LRRC24: variants seen among roughly 807,000 people sequenced by gnomAD.
LRRC24 encodes leucine-rich repeat-containing protein 24.
A neutral mutation model predicts 15.3 loss-of-function variants in LRRC24; 19 were observed. The observed-to-expected ratio is 1.25, with a 90% CI of 0.87 to 1.83. LRRC24 has a LOEUF of 1.83. LRRC24 is among the 40% of genes most tolerant of loss of function. The pLI is 0.00. For missense variants in LRRC24, 914 were observed against 723.9 expected, an observed-to-expected ratio of 1.26 and a Z score of -3.01; for synonymous variants, 469 against 359.6, an observed-to-expected ratio of 1.30 and a Z score of -3.44.
At position 144,524,435 on chromosome 8, in the gene LRRC24, G is replaced by A. The variant is rs200001412; in HGVS notation, c.438+6C>T. On this transcript the variant is annotated splice_donor_region_variant and intron_variant, in intron 3 of 4. Coordinates refer to ENST00000529415, the MANE Select transcript of LRRC24 (RefSeq NM_001024678.4). ...TATCCCGCCCCTTTAGACCCCAGGCGCTCACCGGCAGGTGCAAGAAGGTGA... is the reference window on the plus strand; with the variant it reads ...TATCCCGCCCCTTTAGACCCCAGGCACTCACCGGCAGGTGCAAGAAGGTGA... The A allele has an allele frequency of 4.4e-6, 7 of 1,597,508 alleles. No homozygotes were observed. The highest frequency in any genetic ancestry group is 2.2e-5 in the South Asian group (2 of 91,024).
intron 3 of LRRC24, 64 bp downstream of exon 3, chr8:144,524,377 T>A: frequency 6.3e-7 from 1 of 1,594,152 alleles, no homozygotes; most frequent in Non-Finnish European, 8.5e-7. Context: ...TTCTAACTAT[T>A]CCAGCCCTAC....
Position 144,522,931 on chromosome 8 carries a change from G to C in LRRC24, c.1086C>G (p.Val362=). 1.3e-6 allele frequency: 2 copies of C among 1,529,784 alleles called. No individual in the cohort carries two copies. Among genetic ancestry groups the C allele is most frequent in the Non-Finnish European group, 1.7e-6 (2 of 1,148,470 alleles). The allele number at this position is 1,529,784 out of a possible 1,614,324, so 94.8% of individuals were successfully genotyped here. A position where few individuals can be genotyped will look rare whatever the true frequency, so the allele number is the denominator to read the frequency against. ...GCTGCGGCTGCTGCCGGGACGCGTTGACCAGGAGCCGGAAGGGCACGCGGG... is the reference window on the plus strand; with the variant it reads ...GCTGCGGCTGCTGCCGGGACGCGTTCACCAGGAGCCGGAAGGGCACGCGGG... ...GAARVPFRLL[V]NASRQQPQQP... is the part of the protein sequence containing the mutation. Residue 362 remains valine, a synonymous_variant, in exon 5 of 5, where the codon GTC becomes GTG. Coordinates refer to ENST00000529415, the MANE Select transcript of LRRC24 (RefSeq NM_001024678.4).
At chr8:144,526,525 C>G (rs1019807418) in intron 1 of LRRC24, 1 of 152,424 alleles carries the variant, frequency 6.6e-6, no homozygotes, top group South Asian at 2.1e-4. Context: ...GGGCCCCAAG[C>G]TGGAAGCAGC....
Position 144,522,764 on chromosome 8 carries a change from G to C in LRRC24, c.1253C>G (p.Ala418Gly), listed in dbSNP as rs761335492. 1.3e-6 allele frequency: 2 copies of C among 1,574,356 alleles called. No homozygotes were observed. The highest frequency in any genetic ancestry group is 2.8e-5 in the African/African-American group (2 of 72,684). ...ACAGATCATGGCGACCAGGAGCAGCGCCGTGAGCGCCAGCAGCGCGATGGC... is the reference window on the plus strand; with the variant it reads ...ACAGATCATGGCGACCAGGAGCAGCCCCGTGAGCGCCAGCAGCGCGATGGC... ...AAAIALLALT[A>G]LLLVAMICRR... The change falls in exon 5 of 5, where the codon GCG (alanine) becomes GGG (glycine). Residue 418 changes from alanine to glycine, a missense_variant. Transcript: ENST00000529415.
intron 4 of LRRC24, chr8:144,523,843 C>T (rs1446725845): frequency 4.1e-6 from 2 of 487,214 alleles, no homozygotes; most frequent in South Asian, 3.4e-5. Context: ...ATTTTGTCTG[C>T]CTCCCCTCAG....
intron 3 of LRRC24, 37 bp from the exon 4 acceptor site, chr8:144,524,315 G>T: frequency 6.2e-7 from 1 of 1,604,666 alleles, no homozygotes; most frequent in South Asian, 1.1e-5. Context: ...GAAAAAGGGC[G>T]CCGAGGTTGG....
chr8:144,524,325 G>A (rs1407344457), intron 3 of LRRC24, 47 bp from the exon 4 acceptor site: 1 of 1,602,424 alleles, frequency 6.2e-7, no homozygotes, highest in African/African-American at 1.3e-5. Flanking sequence ...GCCGAGGTTG[G>A]GGGCATGTCT....
rs942047598 is a variant in LRRC24, at chr8:144,527,011, C to CCGAGCAGTCGCCGGGCT, written c.-128_-112dup. 6.5e-6 allele frequency: 1 copy of CCGAGCAGTCGCCGGGCT among 154,446 alleles called. No individual in the cohort carries two copies. 9.6% of individuals were successfully genotyped at this position (154,446 alleles called of 1,614,324 possible). On this transcript the variant is annotated 5_prime_UTR_variant, in exon 1 of 5. Transcript: ENST00000529415. ...CCCGCCGTGCAGGTGGCGGCCGGGC[C>CCGAGCAGTCGCCGGGCT]CGAGCAGTCGCCGGGCTGGGAGGGG...
At position 144,524,657 on chromosome 8, in the gene LRRC24, G is replaced by A. The variant is rs753094255; in HGVS notation, c.222C>T (p.Ala74=). Residue 74 remains alanine (A), a synonymous_variant, in exon 3 of 5, where the codon GCC becomes GCT. Coordinates refer to ENST00000529415, the MANE Select transcript of LRRC24 (RefSeq NM_001024678.4). ...RLEPGALAPL[A]ALRRLYLHNN... is the part of the protein sequence containing the mutation. ...TGTGCAGGTAGAGCCGGCGCAGAGC[G>A]GCGAGTGGCGCCAGGGCTCCCGGCT... 1.5e-5 allele frequency: 23 copies of A among 1,496,278 alleles called. No individual in the cohort carries two copies. Among genetic ancestry groups the A allele is most frequent in the Non-Finnish European group, 2.0e-5 (23 of 1,133,068 alleles). 92.7% of individuals were successfully genotyped at this position (1,496,278 alleles called of 1,614,324 possible).
rs1473087974 is a variant in LRRC24, at chr8:144,524,807, G to A, written c.159+9C>T. On this transcript the variant is annotated intron_variant, in intron 2 of 4. Coordinates refer to ENST00000529415, the MANE Select transcript of LRRC24 (RefSeq NM_001024678.4). The stretch of plus-strand genomic sequence containing the variant: ...ACCCCGTCCTCCCGCAGCTCCACAC[G>A]GTGCCCACCTGCGTCCCTGGCGGGA... The A allele has an allele frequency of 1.4e-6, 2 of 1,450,434 alleles. No individual in the cohort carries two copies. The highest frequency in any genetic ancestry group is 1.8e-6 in the Non-Finnish European group (2 of 1,104,212). The allele number at this position is 1,450,434 out of a possible 1,614,324, so 89.8% of individuals were successfully genotyped here.
At chr8:144,526,086 C>T (rs1816349051) in intron 1 of LRRC24, 1 of 152,232 alleles carries the variant, frequency 6.6e-6, no homozygotes, top group African/African-American at 2.4e-5. Context: ...GCCGGCCTCC[C>T]CAAACATTTG....
At chr8:144,526,436 G>C (rs534302558) in intron 1 of LRRC24, 3 of 152,344 alleles carry the variant, frequency 2.0e-5, no homozygotes, top group East Asian at 1.9e-4. Context: ...CTTGGCCTCA[G>C]AACTCACGGC....
chr8:144,524,766 T>G (rs1240749463), intron 2 of LRRC24, 47 bp from the exon 3 acceptor site: 3 of 1,433,230 alleles, frequency 2.1e-6, no homozygotes, highest in East Asian at 2.6e-5. Flanking sequence ...GCGGGGGTCT[T>G]CCTCTCCCTG....
chr8:144,524,299 C>T (rs374419891), intron 3 of LRRC24, 21 bp from the exon 4 acceptor site: 156 of 1,609,020 alleles, frequency 9.7e-5, no homozygotes, highest in Non-Finnish European at 1.2e-4. Flanking sequence ...GACAGCAGAT[C>T]GTGAGGAAAA....
chr8:144,523,496 C>T, intron 4 of LRRC24, 87 bp from the exon 5 acceptor site: 3 of 1,447,602 alleles, frequency 2.1e-6, no homozygotes, highest in South Asian at 1.5e-5. Flanking sequence ...AGGACAGAGG[C>T]CTCTTTCCCA....
At chr8:144,524,746 T>C in intron 2 of LRRC24, 27 bp from the exon 3 acceptor site, 1 of 1,440,212 alleles carries the variant, frequency 6.9e-7, no homozygotes, top group Non-Finnish European at 9.1e-7. Flanking sequence ...GAGGAGGCGC[T>C]TACCCCGTTG....
In LRRC24 at chr8:144,522,522, GC is replaced by G; in HGVS notation, c.1494del (p.Pro499ArgfsTer?). On this transcript the variant is annotated frameshift_variant, in exon 5 of 5. Coordinates refer to ENST00000529415, the MANE Select transcript of LRRC24 (RefSeq NM_001024678.4). LOFTEE classifies it high-confidence loss of function. ...ACCGGCGGGGGCACGCGGAGTCCCG[GC>G]CCCGCCCCCTGTTCCGGGCCGCAGT... ...PADCGPEQGA[G>X]PGLRVPPPVA... 1 of 1,513,666 alleles carries G rather than the reference GC, an allele frequency of 6.6e-7. No homozygotes were observed. The allele number at this position is 1,513,666 out of a possible 1,614,324, so 93.8% of individuals were successfully genotyped here.
At position 144,522,571 on chromosome 8, in the gene LRRC24, C is replaced by T. The variant is rs778487549; in HGVS notation, c.1446G>A (p.Glu482=). Residue 482 remains glutamate, a synonymous_variant, in exon 5 of 5, where the codon GAG becomes GAA. Transcript: ENST00000529415. ...AGTCAGCGGGCGCCTCCGCCGGACC[C>T]TCGGCGAAGAGCGGCTTGGAGCGGT... The part of the protein sequence containing the change: ...VINRSKPLFA[E]GPAEAPADCG... 6 of 1,554,458 alleles carry T rather than the reference C, an allele frequency of 3.9e-6. No individual in the cohort carries two copies. Among genetic ancestry groups the T allele is most frequent in the Admixed American group, 1.9e-5 (1 of 52,698 alleles).
rs1265027847 is a variant in LRRC24 at position 144,522,790 on chromosome 8, C to A, written c.1227G>T (p.Ala409=). 3 of 1,550,230 alleles carry A rather than the reference C, an allele frequency of 1.9e-6. No individual in the cohort carries two copies. Among genetic ancestry groups the A allele is most frequent in the Non-Finnish European group, 2.6e-6 (3 of 1,152,614 alleles). Residue 409 remains alanine (A), a synonymous_variant, in exon 5 of 5, where the codon GCG becomes GCT. Transcript: ENST00000529415. ...LGVATQTAIA[A]AIALLALTAL... ...CCGTGAGCGCCAGCAGCGCGATGGC[C>A]GCCGCAATGGCCGTCTGTGTGGCCA...
Sources: gnomAD v4.1 joint callset for allele counts on GRCh38, gnomAD v4.1.1 for gene constraint, MANE v1.5 for transcripts, NCBI Gene and HGNC (gene_info 2026-07-23, HGNC 2026-07-21) for gene names.